TJP3: variants seen among roughly 807,000 people sequenced by gnomAD.
TJP3 encodes tight junction protein 3.
In TJP3, 85 loss-of-function variants were observed where a neutral mutation model predicts 104.2. The ratio of observed to expected loss-of-function variants is 0.82; its 90% CI spans 0.68 to 0.98. The LOEUF (loss-of-function observed/expected upper bound fraction) is 0.98. TJP3 is among the 50% of genes least tolerant of loss of function. TJP3 has a pLI of 0.00. For synonymous variants in TJP3, 550 were observed against 550.6 expected, an observed-to-expected ratio of 1.00 and a Z score of 0.02; for missense variants, 1,367 against 1,322.8, an observed-to-expected ratio of 1.03 and a Z score of -0.52.
intron 14 of TJP3, among the ~76,000 whole-genome samples, chr19:3,742,480 A>T (rs1254050450): frequency 2.6e-5 from 4 of 151,346 alleles, no homozygotes; most frequent in Admixed American, 2.0e-4. Context: ...TTAAGCTCTT[A>T]TCAGAGGACA....
intron 1 of TJP3, among the ~76,000 whole-genome samples, chr19:3,709,183 T>A (rs1767367881): frequency 6.6e-6 from 1 of 152,080 alleles, no homozygotes; most frequent in African/African-American, 2.4e-5. Flanking sequence ...TGGTGCGATC[T>A]TGGCTCACTG....
chr19:3,719,902 A>T (rs1426819804), intron 1 of TJP3, among the ~76,000 whole-genome samples: 1 of 152,164 alleles, frequency 6.6e-6, no homozygotes, highest in Non-Finnish European at 1.5e-5. Context: ...GAAGAGAACT[A>T]CATGCTCCTT....
At chr19:3,723,622 C>T (rs1440588210) in intron 1 of TJP3, among the ~76,000 whole-genome samples, 1 of 151,510 alleles carries the variant, frequency 6.6e-6, no homozygotes, top group African/African-American at 2.4e-5. Context: ...TGAACCCCCA[C>T]CTCTACTAAA....
chr19:3,718,299 C>G (rs1321613863), intron 1 of TJP3, among the ~76,000 whole-genome samples: 1 of 144,210 alleles, frequency 6.9e-6, no homozygotes, highest in Non-Finnish European at 1.5e-5. Flanking sequence ...GTTACTCAGG[C>G]TGGTCTCTCC....
At chr19:3,726,104 C>T (rs1467552201) in intron 1 of TJP3, among the ~76,000 whole-genome samples, 1 of 152,256 alleles carries the variant, frequency 6.6e-6, no homozygotes, top group African/African-American at 2.4e-5. Context: ...GAATCACACA[C>T]CCGCTGTGCC....
intron 14 of TJP3, among the ~76,000 whole-genome samples, chr19:3,743,132 C>CGCA (rs2036844820): frequency 6.6e-6 from 1 of 150,640 alleles, no homozygotes; most frequent in Admixed American, 6.6e-5. Flanking sequence ...GGCATGGTGG[C>CGCA]GCACGCCTGT....
chr19:3,727,550 T>C (rs925858327), intron 1 of TJP3, among the ~76,000 whole-genome samples: 1 of 149,780 alleles, frequency 6.7e-6, no homozygotes, highest in South Asian at 2.2e-4. Flanking sequence ...GTTTCATTCA[T>C]TCACTCATTA....
At chr19:3,723,562 G>C (rs1489601634) in intron 1 of TJP3, among the ~76,000 whole-genome samples, 2 of 151,996 alleles carry the variant, frequency 1.3e-5, no homozygotes, top group Non-Finnish European at 2.9e-5. Flanking sequence ...GAGGCTGAGG[G>C]AGGTGGATCA....
Position 3,718,404 on chromosome 19 carries a change from C to T in TJP3, c.-10+9843C>T, listed in dbSNP as rs989368982. Among the ~76,000 whole-genome samples, 3 of 145,318 alleles carry T rather than the reference C, an allele frequency of 2.1e-5. No individual in the cohort carries two copies. The East Asian group carries it at 6.2e-4, about 30-fold the overall frequency. ...GGCCAAGCCTCTTATTTTAAAGACG[C>T]TGAAGTCAGAAAGCCTGTAGGACAG... is the stretch of plus-strand genomic sequence containing the variant. On this transcript the variant is annotated intron_variant, in intron 1 of 20. Transcript: ENST00000541714.
chr19:3,709,705 G>C (rs995454048), intron 1 of TJP3, among the ~76,000 whole-genome samples: 2 of 152,178 alleles, frequency 1.3e-5, no homozygotes, highest in African/African-American at 4.8e-5. Flanking sequence ...GAGCTCCCAG[G>C]GAGCAGGCTT....
chr19:3,731,500 G>T (rs941935480), intron 5 of TJP3, among the ~76,000 whole-genome samples: 1 of 152,136 alleles, frequency 6.6e-6, no homozygotes, highest in Non-Finnish European at 1.5e-5. Context: ...AGGCGTGGTG[G>T]TGTGCACCTG....
At chr19:3,720,518 C>T (rs1464110093) in intron 1 of TJP3, among the ~76,000 whole-genome samples, 1 of 152,184 alleles carries the variant, frequency 6.6e-6, no homozygotes, top group Admixed American at 6.6e-5. Flanking sequence ...CCTGTCCCTG[C>T]CCAGCCCTGA....
At chr19:3,745,943 G>C (rs478723) in intron 15 of TJP3, 68 bp from the exon 16 acceptor site, 166,881 of 1,336,450 alleles carry the variant, frequency 0.12, 10,951 homozygotes, top group South Asian at 0.15. Flanking sequence ...GGGAGGGGCA[G>C]GTAGGCATGA....
chr19:3,715,226 A>T (rs1181832400), intron 1 of TJP3, among the ~76,000 whole-genome samples: 1 of 151,700 alleles, frequency 6.6e-6, no homozygotes, highest in Non-Finnish European at 1.5e-5. Context: ...AGTAGCTGGG[A>T]CTACAGGCGC....
rs761653154 is a variant in TJP3, at chr19:3,738,907, A to T, written c.1404A>T (p.Lys468Asn). Residue 468 changes from lysine (K) to asparagine (N), a missense_variant, in exon 13 of 21, where the codon AAA becomes AAT. Physicochemically the swap from Lys to Asn is moderately conservative, Grantham distance 94. Coordinates refer to ENST00000541714, the MANE Select transcript of TJP3 (RefSeq NM_001267560.2). ...VTQRKQDIFW[K>N]MVQSRVGDSF... ...TCCCGCTCTCCCCAGTTTTCTGGAA[A>T]ATGGTGCAGTCCCGCGTGGGTGACT... 5.4e-5 allele frequency: 86 copies of T among 1,589,368 alleles called. No individual in the cohort carries two copies. Among genetic ancestry groups the T allele is most frequent in the Non-Finnish European group, 7.1e-5 (83 of 1,163,208 alleles).
intron 15 of TJP3, among the ~76,000 whole-genome samples, chr19:3,744,391 T>C (rs12976880): frequency 1.3e-5 from 2 of 152,018 alleles, no homozygotes; most frequent in Non-Finnish European, 2.9e-5. Flanking sequence ...AATGGCCGGG[T>C]GCGGTGGCTC....
In TJP3 at chr19:3,724,070, G is replaced by A. The variant is rs1351302007; in HGVS notation, c.-9-4354G>A. ...AATCCCTCAGGCACTGTGGAGCTCT[G>A]GAGGGTTTAGACAAAGCTTCTGGTT... On this transcript the variant is annotated intron_variant, in intron 1 of 20. Coordinates refer to ENST00000541714, the MANE Select transcript of TJP3 (RefSeq NM_001267560.2). 2.0e-5 allele frequency among the ~76,000 whole-genome samples: 3 copies of A among 152,090 alleles called. No individual in the cohort carries two copies. In the East Asian group the frequency reaches 5.8e-4, roughly 29 times the overall value.
chr19:3,714,134 T>C (rs1269016729), intron 1 of TJP3, among the ~76,000 whole-genome samples: 1 of 151,968 alleles, frequency 6.6e-6, no homozygotes. Context: ...CACTGCAACC[T>C]CTGCCTCCCG....
At chr19:3,728,401 T>A in intron 1 of TJP3, 23 bp from the exon 2 acceptor site, 1 of 1,614,124 alleles carries the variant, frequency 6.2e-7, no homozygotes, top group Non-Finnish European at 8.5e-7. Context: ...CTCATGCCCA[T>A]CTTCCCCGCT....
Sources: allele counts gnomAD v4.1 joint callset (sites outside exome capture counted in the v4.1 genomes callset), GRCh38; gene constraint gnomAD v4.1.1; transcripts MANE v1.5; gene names NCBI Gene and HGNC (gene_info 2026-07-23, HGNC 2026-07-21).